DRD3: variants seen among roughly 807,000 people sequenced by gnomAD.
DRD3 encodes dopamine receptor D3, also known as D(3) dopamine receptor.
A neutral mutation model predicts 36.3 loss-of-function variants in DRD3; 19 were observed. That is an observed-to-expected ratio of 0.52 (90% CI 0.36 to 0.77). DRD3 has a LOEUF of 0.77. DRD3 is among the 30% of genes least tolerant of loss of function. DRD3 has a pLI of 0.00. For synonymous variants in DRD3, 195 were observed against 203.7 expected, an observed-to-expected ratio of 0.96 and a Z score of 0.36; for missense variants, 465 against 505.3, an observed-to-expected ratio of 0.92 and a Z score of 0.77.
At chr3:114,136,409 C>T (rs1179358520) in intron 5 of DRD3, among the ~76,000 whole-genome samples, 1 of 152,140 alleles carries the variant, frequency 6.6e-6, no homozygotes, top group Non-Finnish European at 1.5e-5. Context: ...TGAGGAAACA[C>T]TGGATTCCTC....
At chr3:114,147,374 G>T in intron 4 of DRD3, 41 bp downstream of exon 4, 1 of 1,598,942 alleles carries the variant, frequency 6.3e-7, no homozygotes, top group Non-Finnish European at 8.6e-7. Context: ...CAGCTGTGCT[G>T]TGAATCACAT....
chr3:114,139,465 TG>T (rs746967087), intron 5 of DRD3, 34 bp downstream of exon 5: 2 of 1,585,568 alleles, frequency 1.3e-6, no homozygotes, highest in South Asian at 2.3e-5. Context: ...GGAGATTGGG[TG>T]TTGTCTTCCC....
chr3:114,145,898 C>T (rs1011326088), intron 4 of DRD3, among the ~76,000 whole-genome samples: 4 of 152,130 alleles, frequency 2.6e-5, no homozygotes, highest in Non-Finnish European at 4.4e-5. Context: ...TTAAAAATGT[C>T]TTAACTAAAT....
upstream of DRD3, among the ~76,000 whole-genome samples, chr3:114,180,008 G>T (rs1431122503): frequency 6.6e-6 from 1 of 151,954 alleles, no homozygotes; most frequent in Non-Finnish European, 1.5e-5. Flanking sequence ...AGCTTATGGA[G>T]GTTAGTATAA....
intron 1 of DRD3, among the ~76,000 whole-genome samples, chr3:114,184,738 A>G (rs1403592847): frequency 1.3e-5 from 2 of 151,896 alleles, no homozygotes; most frequent in Non-Finnish European, 2.9e-5. Context: ...AATTTTTTGC[A>G]TTTTTAGTAA....
intron 3 of DRD3, among the ~76,000 whole-genome samples, chr3:114,150,105 G>A (rs957209338): frequency 1.3e-5 from 2 of 152,172 alleles, no homozygotes; most frequent in South Asian, 4.1e-4. Flanking sequence ...TATAAACCAA[G>A]CTCAGCCTTC....
At chr3:114,162,248 C>T (rs2077739975) in intron 2 of DRD3, among the ~76,000 whole-genome samples, 1 of 152,186 alleles carries the variant, frequency 6.6e-6, no homozygotes, top group South Asian at 2.1e-4. Flanking sequence ...ATTCACTGTA[C>T]ATGTGTTACC....
At chr3:114,166,135 G>T (rs2077782033) in intron 2 of DRD3, among the ~76,000 whole-genome samples, 1 of 151,862 alleles carries the variant, frequency 6.6e-6, no homozygotes, top group African/African-American at 2.4e-5. Flanking sequence ...ACAGGTACCT[G>T]CCACTATGCC....
At chr3:114,142,075 A>G (rs2077530721) in intron 4 of DRD3, among the ~76,000 whole-genome samples, 1 of 151,354 alleles carries the variant, frequency 6.6e-6, no homozygotes, top group Non-Finnish European at 1.5e-5. Context: ...AAAAAAAAGA[A>G]AAGAAAAGAA....
chr3:114,142,431 G>A (rs150673480), intron 4 of DRD3, among the ~76,000 whole-genome samples: 3 of 152,242 alleles, frequency 2.0e-5, no homozygotes, highest in Admixed American at 6.5e-5. Context: ...CTGGGTTCTG[G>A]GAGGCTGACC....
At chr3:114,129,964 A>T in intron 6 of DRD3, among the ~76,000 whole-genome samples, 1 of 152,182 alleles carries the variant, frequency 6.6e-6, no homozygotes, top group Non-Finnish European at 1.5e-5. Context: ...AGGCTGAGGC[A>T]GGAGAATCAC....
chr3:114,191,042 G>A (rs1394016), intron 1 of DRD3, among the ~76,000 whole-genome samples: 79,281 of 151,994 alleles, frequency 0.52, 23,809 homozygotes, highest in African/African-American at 0.84. Context: ...TGGCAGTTCA[G>A]TGAGTCATTT....
At chr3:114,174,603 C>T (rs2077879997) in intron 1 of DRD3, among the ~76,000 whole-genome samples, 1 of 152,138 alleles carries the variant, frequency 6.6e-6, no homozygotes, top group Admixed American at 6.5e-5. Flanking sequence ...ATCTTAGATC[C>T]TTTATAGCAG....
In DRD3 at chr3:114,139,685, C is replaced by G; in HGVS notation, c.538G>C (p.Val180Leu). Residue 180 changes from valine to leucine, a missense_variant, in exon 5 of 7, where the codon GTC (valine) becomes CTC (leucine). Val to Leu is a conservative substitution (Grantham distance 32). Transcript: ENST00000383673. ...AAATCAGGGTTGGAGATGGAGCAGACAGTGGGGTCCCCTGTGGATGAGAAG... is the reference window on the plus strand; with the variant it reads ...AAATCAGGGTTGGAGATGGAGCAGAGAGTGGGGTCCCCTGTGGATGAGAAG... The part of the protein sequence containing the change: ...FGFNTTGDPT[V>L]CSISNPDFVI... 2.5e-6 allele frequency: 4 copies of G among 1,613,910 alleles called. No individual in the cohort carries two copies. The highest frequency in any genetic ancestry group is 3.4e-6 in the Non-Finnish European group (4 of 1,179,906).
At chr3:114,194,371 C>A (rs919124095) in intron 1 of DRD3, among the ~76,000 whole-genome samples, 6 of 152,144 alleles carry the variant, frequency 3.9e-5, no homozygotes, top group African/African-American at 1.4e-4. Context: ...CAACCTTGGC[C>A]TCCTAGGTTC....
At chr3:114,156,161 G>A (rs762103923) in intron 3 of DRD3, among the ~76,000 whole-genome samples, 5 of 152,130 alleles carry the variant, frequency 3.3e-5, no homozygotes, top group African/African-American at 4.8e-5. Flanking sequence ...AGTACTGGGC[G>A]GTGCCAGGAT....
intron 5 of DRD3, among the ~76,000 whole-genome samples, chr3:114,137,555 A>G (rs1390197696): frequency 1.3e-5 from 2 of 152,174 alleles, no homozygotes; most frequent in Non-Finnish European, 2.9e-5. Context: ...GTCATCAGAG[A>G]TAATGTAGGT....
intron 2 of DRD3, among the ~76,000 whole-genome samples, chr3:114,164,911 C>T (rs2077768906): frequency 2.0e-5 from 3 of 152,102 alleles, no homozygotes; most frequent in African/African-American, 7.2e-5. Flanking sequence ...CCACCAGGCC[C>T]AGCTAATTTT....
chr3:114,171,005 G>A (rs1461336332), intron 2 of DRD3, among the ~76,000 whole-genome samples: 2 of 152,188 alleles, frequency 1.3e-5, no homozygotes, highest in East Asian at 1.9e-4. Flanking sequence ...ACCACCCCCT[G>A]GCTCTGTTTT....
Sources: allele counts gnomAD v4.1 joint callset (sites outside exome capture counted in the v4.1 genomes callset), GRCh38; gene constraint gnomAD v4.1.1; transcripts MANE v1.5; gene names NCBI Gene and HGNC (gene_info 2026-07-23, HGNC 2026-07-21).